The following NRXN3 variants were observed in gnomAD, a reference collection of about 807,000 sequenced individuals.
NRXN3 encodes neurexin III.
NRXN3 carries 32 observed loss-of-function variants against 137.6 expected under a neutral mutation model. The ratio of observed to expected loss-of-function variants is 0.23; its 90% CI spans 0.18 to 0.31. The LOEUF is 0.31. NRXN3 is among the 10% of genes least tolerant of loss of function. NRXN3 has a pLI of 1.00. For missense variants in NRXN3, 1,574 were observed against 2,062.5 expected (o/e 0.76, Z 4.59); for synonymous variants, 798 against 784.5 (o/e 1.02, Z -0.29).
chr14:78,375,719 G>T (rs2087693442), intron 4 of NRXN3, among the ~76,000 whole-genome samples: 1 of 152,158 alleles, frequency 6.6e-6, no homozygotes, highest in East Asian at 1.9e-4. Flanking sequence ...TTTAGATAAG[G>T]TCATTAGGGA....
chr14:78,661,452 A>AT (rs1428646094), intron 6 of NRXN3, among the ~76,000 whole-genome samples: 3 of 152,172 alleles, frequency 2.0e-5, no homozygotes, highest in African/African-American at 4.8e-5. Context: ...GATTAAGTGG[A>AT]TTTTTTTGGC....
In NRXN3 at chr14:78,949,603, T is replaced by A. The variant is rs560947537; in HGVS notation, c.2276-7639T>A. ...GGGCATAGAAGTGAATTTTTTTTTT[T>A]AAAAAAAAACTACAATACAAGGAAT... On this transcript the variant is annotated intron_variant, in intron 10 of 20. Coordinates refer to ENST00000335750, the MANE Select transcript of NRXN3 (RefSeq NM_001330195.2). 7.5e-3 allele frequency among the ~76,000 whole-genome samples: 1,032 copies of A among 138,018 alleles called. 3 individuals carry two copies. Among genetic ancestry groups the A allele is most frequent in the East Asian group, 0.024 (114 of 4,760 alleles). The allele number at this position is 138,018 out of a possible 152,430, so 90.5% of individuals were successfully genotyped here.
chr14:79,397,608 CT>C (rs975962362), intron 15 of NRXN3, among the ~76,000 whole-genome samples: 14 of 152,130 alleles, frequency 9.2e-5, no homozygotes, highest in Admixed American at 3.9e-4. Context: ...CTTTTGGTAC[CT>C]AAGCATAATC....
rs61993998 is a variant in NRXN3, at chr14:78,845,907, T to G, written c.2275+35563T>G. ...TCAGGACAGTATGAGTATGTTGGGG[T>G]GTGTGTGTGTGTGTGTGTGTGTGTG... On this transcript the variant is annotated intron_variant, in intron 10 of 20. Coordinates refer to ENST00000335750, the MANE Select transcript of NRXN3 (RefSeq NM_001330195.2). Among the ~76,000 whole-genome samples, 221 of 115,814 alleles carry G rather than the reference T, an allele frequency of 1.9e-3. 1 individual carries two copies. The highest frequency in any genetic ancestry group is 4.2e-3 in the African/African-American group (113 of 26,916). 76.0% of individuals were successfully genotyped at this position (115,814 alleles called of 152,430 possible).
chr14:79,375,225 G>C (rs2094228942), intron 15 of NRXN3, among the ~76,000 whole-genome samples: 1 of 135,466 alleles, frequency 7.4e-6, no homozygotes, highest in African/African-American at 2.7e-5. Context: ...CAGTACTTTT[G>C]AGTTTTTGTG....
chr14:79,077,715 G>A (rs1312527887), intron 15 of NRXN3, among the ~76,000 whole-genome samples: 1 of 152,028 alleles, frequency 6.6e-6, no homozygotes, highest in African/African-American at 2.4e-5. Flanking sequence ...TTGGTGATGT[G>A]GTATGAGACA....
At chr14:79,447,717 C>CAGTAAT (rs2096087088) in intron 15 of NRXN3, among the ~76,000 whole-genome samples, 1 of 152,170 alleles carries the variant, frequency 6.6e-6, no homozygotes, top group Non-Finnish European at 1.5e-5. Flanking sequence ...GCTTTTACAC[C>CAGTAAT]TTTTGAGCTC....
chr14:78,221,645 C>T (rs1225413058), intron 1 of NRXN3, among the ~76,000 whole-genome samples: 3 of 152,166 alleles, frequency 2.0e-5, no homozygotes, highest in Admixed American at 2.0e-4. Context: ...CTAGGCCTTA[C>T]TCATCTAGGT....
chr14:78,977,829 C>A (rs937444093), intron 14 of NRXN3, among the ~76,000 whole-genome samples: 10 of 152,158 alleles, frequency 6.6e-5, no homozygotes, highest in Admixed American at 3.9e-4. Context: ...CATGAGGCAA[C>A]ATGTTATGGC....
At chr14:78,439,994 G>T (rs2094192202) in intron 4 of NRXN3, among the ~76,000 whole-genome samples, 1 of 152,164 alleles carries the variant, frequency 6.6e-6, no homozygotes, top group Admixed American at 6.5e-5. Flanking sequence ...TGGAATCTTT[G>T]TCCTCCCACA....
intron 10 of NRXN3, among the ~76,000 whole-genome samples, chr14:78,887,889 TCTG>T (rs1307846940): frequency 6.6e-6 from 1 of 152,040 alleles, no homozygotes; most frequent in Non-Finnish European, 1.5e-5. Flanking sequence ...CAGGAGCTCT[TCTG>T]CTGAAGTCTC....
Position 78,611,907 on chromosome 14 carries a change from G to A in NRXN3, c.758-33213G>A, listed in dbSNP as rs528089753. 2.0e-5 allele frequency among the ~76,000 whole-genome samples: 3 copies of A among 152,306 alleles called. No individual in the cohort carries two copies. The East Asian group carries it at 5.8e-4, about 29-fold the overall frequency. On this transcript the variant is annotated intron_variant, in intron 4 of 20. Coordinates refer to ENST00000335750, the MANE Select transcript of NRXN3 (RefSeq NM_001330195.2). ...ACAAGTGCCTTTGAATTGTTGATAA[G>A]ATTGGTTTATTTTTGTTTTCATTTT...
At chr14:79,060,169 C>T (rs780692800) in intron 15 of NRXN3, among the ~76,000 whole-genome samples, 1 of 152,198 alleles carries the variant, frequency 6.6e-6, no homozygotes, top group African/African-American at 2.4e-5. Context: ...TGAGGTAGGG[C>T]AAAGTCCCAT....
chr14:78,677,593 C>T (rs558988374), intron 6 of NRXN3, among the ~76,000 whole-genome samples: 20 of 152,114 alleles, frequency 1.3e-4, no homozygotes, highest in South Asian at 8.3e-4. Flanking sequence ...AATGTTGAAA[C>T]GACAACAAAG....
In NRXN3 at chr14:78,271,704, G is replaced by C. The variant is rs577756545; in HGVS notation, c.710-6941G>C. ...TGGCCGCTGCCTGCCCAGGCTGACT[G>C]GTGCCTGATATAGCTGCTACTGATG... is the stretch of plus-strand genomic sequence containing the variant. On this transcript the variant is annotated intron_variant, in intron 2 of 20. Coordinates refer to ENST00000335750, the MANE Select transcript of NRXN3 (RefSeq NM_001330195.2). Among the ~76,000 whole-genome samples the C allele has an allele frequency of 1.1e-4, 16 of 152,276 alleles. No individual in the cohort carries two copies. In the Middle Eastern group the frequency reaches 0.01, roughly 97 times the overall value.
At chr14:79,195,817 A>T (rs1049757487) in intron 15 of NRXN3, among the ~76,000 whole-genome samples, 1 of 152,224 alleles carries the variant, frequency 6.6e-6, no homozygotes, top group Non-Finnish European at 1.5e-5. Context: ...TACTATGGAG[A>T]TCCCTAGTGG....
chr14:78,690,225 T>C (rs2098159926), intron 6 of NRXN3, among the ~76,000 whole-genome samples: 1 of 152,130 alleles, frequency 6.6e-6, no homozygotes, highest in Non-Finnish European at 1.5e-5. Flanking sequence ...TCCAACCTTC[T>C]CCCATCTTAG....
intron 16 of NRXN3, among the ~76,000 whole-genome samples, chr14:79,497,424 C>T (rs570832431): frequency 6.6e-6 from 1 of 152,222 alleles, no homozygotes; most frequent in East Asian, 1.9e-4. Flanking sequence ...TTCCCACCTC[C>T]CTCCAAATGT....
chr14:79,329,439 G>A (rs1265972651), intron 15 of NRXN3, among the ~76,000 whole-genome samples: 6 of 152,118 alleles, frequency 3.9e-5, no homozygotes, highest in Non-Finnish European at 8.8e-5. Flanking sequence ...GTGGTACAGG[G>A]TCCTGTGTGA....
Sources: gnomAD v4.1 joint callset for allele counts (sites outside exome capture counted in the v4.1 genomes callset) on GRCh38, gnomAD v4.1.1 for gene constraint, MANE v1.5 for transcripts, NCBI Gene and HGNC (gene_info 2026-07-23, HGNC 2026-07-21) for gene names.